The following CALD1 variants were observed in gnomAD, a reference collection of about 807,000 sequenced individuals.
The protein encoded by CALD1 is caldesmon.
CALD1 carries 33 observed loss-of-function variants against 99.9 expected under a neutral mutation model. The ratio of observed to expected loss-of-function variants is 0.33; its 90% CI spans 0.25 to 0.44. The LOEUF is 0.44. CALD1 is among the 20% of genes least tolerant of loss of function. The pLI, the probability that CALD1 is intolerant of heterozygous loss-of-function variation, is 1.00. For missense variants in CALD1, 861 were observed against 962.1 expected (o/e 0.89, Z 1.39); for synonymous variants, 310 against 325.0 (o/e 0.95, Z 0.50).
intron 4 of CALD1, among the ~76,000 whole-genome samples, 195 bp from the exon 5 acceptor site, chr7:134,932,793 G>T (rs1489430347): frequency 6.6e-6 from 1 of 152,196 alleles, no homozygotes; most frequent in African/African-American, 2.4e-5. Context: ...GTAGACTCCA[G>T]TCCCCAGAGA....
At chr7:134,957,244 G>A (rs1031561149) in intron 9 of CALD1, among the ~76,000 whole-genome samples, 3 of 152,100 alleles carry the variant, frequency 2.0e-5, no homozygotes, top group Non-Finnish European at 2.9e-5. Flanking sequence ...ATCAGGTTAA[G>A]CAATAAGGGA....
chr7:134,766,186 C>G (rs1796825588), intron 1 of CALD1, among the ~76,000 whole-genome samples: 1 of 114,774 alleles, frequency 8.7e-6, no homozygotes, highest in Non-Finnish European at 1.6e-5. Flanking sequence ...GAGTCTCACT[C>G]TGTCACCCAG....
intron 8 of CALD1, 114 bp from the exon 9 acceptor site, chr7:134,950,260 C>CA (rs1807230559): frequency 1.0e-6 from 1 of 973,996 alleles, no homozygotes; most frequent in Non-Finnish European, 1.5e-6. Context: ...GGGGAGTGTC[C>CA]AGCCTGCGGC....
At chr7:134,957,989 G>A in intron 9 of CALD1, 80 bp from the exon 10 acceptor site, 4 of 1,024,420 alleles carry the variant, frequency 3.9e-6, no homozygotes, top group Non-Finnish European at 4.6e-6. Flanking sequence ...CAGGTTCAGG[G>A]ATGATATTGG....
intron 1 of CALD1, among the ~76,000 whole-genome samples, chr7:134,805,239 T>A (rs1798091786): frequency 2.0e-5 from 3 of 152,344 alleles, no homozygotes; most frequent in South Asian, 4.1e-4. Flanking sequence ...ATACACACAG[T>A]CTCCTCTGTC....
chr7:134,807,953 G>A (rs1207259215), intron 1 of CALD1, among the ~76,000 whole-genome samples: 1 of 151,946 alleles, frequency 6.6e-6, no homozygotes, highest in African/African-American at 2.4e-5. Flanking sequence ...TTAGATGTAG[G>A]CACCATTTCC....
chr7:134,754,180 T>C (rs1796708915), intron 1 of CALD1, among the ~76,000 whole-genome samples: 1 of 152,164 alleles, frequency 6.6e-6, no homozygotes, highest in Admixed American at 6.5e-5. Context: ...AGAGAAAGCC[T>C]AGGTGACTAG....
chr7:134,954,423 C>T (rs1473327843), intron 9 of CALD1, among the ~76,000 whole-genome samples: 1 of 152,176 alleles, frequency 6.6e-6, no homozygotes, highest in Non-Finnish European at 1.5e-5. Context: ...GAACCAATTT[C>T]CCTTGTTAAA....
chr7:134,883,119 G>A (rs1049969192), intron 3 of CALD1, among the ~76,000 whole-genome samples: 1 of 152,092 alleles, frequency 6.6e-6, no homozygotes, highest in Non-Finnish European at 1.5e-5. Flanking sequence ...AAGCACAATC[G>A]AATAGCCTCA....
intron 3 of CALD1, among the ~76,000 whole-genome samples, chr7:134,876,933 C>A (rs1312597544): frequency 1.3e-5 from 2 of 152,124 alleles, no homozygotes; most frequent in East Asian, 3.9e-4. Flanking sequence ...AGAGTAGGAT[C>A]TAGAGTCATG....
intron 2 of CALD1, among the ~76,000 whole-genome samples, chr7:134,858,404 C>T (rs939019434): frequency 2.0e-5 from 3 of 152,064 alleles, no homozygotes; most frequent in Non-Finnish European, 4.4e-5. Flanking sequence ...ATTATGAGAG[C>T]ACAGCCATGC....
At chr7:134,906,175 C>T (rs1265179661) in intron 3 of CALD1, among the ~76,000 whole-genome samples, 1 of 151,962 alleles carries the variant, frequency 6.6e-6, no homozygotes, top group African/African-American at 2.4e-5. Context: ...GGTGATCCAC[C>T]CACCTGAGAC....
At chr7:134,914,512 GC>G (rs1176230541) in intron 3 of CALD1, among the ~76,000 whole-genome samples, 3 of 152,176 alleles carry the variant, frequency 2.0e-5, no homozygotes, top group African/African-American at 7.2e-5. Flanking sequence ...CAGGGCCATA[GC>G]CTTTGGAAAG....
intron 2 of CALD1, among the ~76,000 whole-genome samples, chr7:134,857,579 A>T (rs1800371196): frequency 6.6e-6 from 1 of 152,066 alleles, no homozygotes; most frequent in Admixed American, 6.5e-5. Context: ...TACTATCTAA[A>T]TTACTATCTA....
At chr7:134,910,841 G>A (rs1466782587) in intron 3 of CALD1, among the ~76,000 whole-genome samples, 1 of 152,080 alleles carries the variant, frequency 6.6e-6, no homozygotes, top group African/African-American at 2.4e-5. Flanking sequence ...GAACTCAAGG[G>A]GATTTTCTGC....
chr7:134,893,264 C>G (rs1289340592), intron 3 of CALD1, among the ~76,000 whole-genome samples: 3 of 152,126 alleles, frequency 2.0e-5, no homozygotes, highest in Admixed American at 6.5e-5. Context: ...TGTCTCTCTC[C>G]CCTTTCTGAT....
intron 6 of CALD1, among the ~76,000 whole-genome samples, chr7:134,939,788 C>T (rs1806282447): frequency 6.6e-6 from 1 of 152,010 alleles, no homozygotes; most frequent in Admixed American, 6.5e-5. Flanking sequence ...CAAGGTGAAA[C>T]CCATTCTCTA....
chr7:134,758,727 G>C (rs1030325495), intron 1 of CALD1, among the ~76,000 whole-genome samples: 13 of 152,110 alleles, frequency 8.5e-5, no homozygotes, highest in Non-Finnish European at 1.5e-5. Flanking sequence ...TCCTCAAAGG[G>C]ATGCTGGGAA....
intron 3 of CALD1, among the ~76,000 whole-genome samples, chr7:134,904,599 C>T (rs1310271808): frequency 2.4e-4 from 36 of 152,054 alleles, no homozygotes; most frequent in Non-Finnish European, 5.1e-4. Flanking sequence ...AAATGAAATG[C>T]CAGCTGGCTG....
Sources: gnomAD v4.1 joint callset for allele counts (sites outside exome capture counted in the v4.1 genomes callset) on GRCh38, gnomAD v4.1.1 for gene constraint, MANE v1.5 for transcripts, NCBI Gene and HGNC (gene_info 2026-07-23, HGNC 2026-07-21) for gene names.